Variants in INPP4B observed in about 807,000 individuals in gnomAD.
INPP4B encodes the protein inositol polyphosphate-4-phosphatase type II B.
In INPP4B, 55 loss-of-function variants were observed where a neutral mutation model predicts 122.5. That is an observed-to-expected ratio of 0.45 (90% CI 0.36 to 0.56). The LOEUF (loss-of-function observed/expected upper bound fraction) is 0.56, where lower values mean the gene tolerates loss of function less well. Ranked by LOEUF, INPP4B falls within the 20% of genes least tolerant of loss-of-function variation. The probability of loss-of-function intolerance (pLI) is 0.00; values close to 1 mark genes in which losing one functional copy is unlikely to be tolerated. For missense variants in INPP4B, 1,000 were observed against 1,097.7 expected (o/e 0.91, Z 1.26); for synonymous variants, 403 against 388.7 (o/e 1.04, Z -0.43).
intron 17 of INPP4B, among the ~76,000 whole-genome samples, chr4:142,149,204 G>T (rs1812449866): frequency 6.6e-6 from 1 of 152,184 alleles, no homozygotes; most frequent in Admixed American, 6.5e-5. Context: ...ATGGCACAGG[G>T]CCTGGCTCTC....
chr4:142,805,352 TAAATAGA>T (rs1367591145), intron 1 of INPP4B, among the ~76,000 whole-genome samples: 16 of 152,182 alleles, frequency 1.1e-4, no homozygotes, highest in African/African-American at 1.7e-4. Flanking sequence ...AAAGACATAA[TAAATAGA>T]AAAAGAATGG....
intron 9 of INPP4B, among the ~76,000 whole-genome samples, chr4:142,299,172 G>GTTTT (rs1760213252): frequency 1.1e-5 from 1 of 93,102 alleles, no homozygotes; most frequent in African/African-American, 7.5e-5. Context: ...TTTTTTTTGG[G>GTTTT]GGGGAGACAG....
intron 1 of INPP4B, among the ~76,000 whole-genome samples, chr4:142,815,324 G>A (rs977420145): frequency 2.0e-5 from 3 of 152,162 alleles, no homozygotes; most frequent in African/African-American, 7.2e-5. Flanking sequence ...ATAAGCTGTA[G>A]TTAATAATGT....
At chr4:142,786,130 G>A (rs1444145062) in intron 1 of INPP4B, among the ~76,000 whole-genome samples, 4 of 152,040 alleles carry the variant, frequency 2.6e-5, no homozygotes, top group Non-Finnish European at 5.9e-5. Context: ...CCCAAATCTT[G>A]ATTTCTAACA....
At chr4:142,550,976 G>A (rs907161497) in intron 2 of INPP4B, among the ~76,000 whole-genome samples, 1 of 152,074 alleles carries the variant, frequency 6.6e-6, no homozygotes. Context: ...AATTTGCTTG[G>A]CACATATGAA....
At chr4:142,501,557 G>GAA (rs11392052) in intron 2 of INPP4B, among the ~76,000 whole-genome samples, 2 of 150,352 alleles carry the variant, frequency 1.3e-5, no homozygotes, top group African/African-American at 2.4e-5. Flanking sequence ...AAAACATGAG[G>GAA]AAAAAAATAA....
intron 17 of INPP4B, among the ~76,000 whole-genome samples, chr4:142,156,597 A>G (rs1817328136): frequency 6.6e-6 from 1 of 152,126 alleles, no homozygotes; most frequent in Non-Finnish European, 1.5e-5. Flanking sequence ...AAAGCATTCC[A>G]TTATTTAATA....
At chr4:142,344,980 T>C (rs1275758183) in intron 7 of INPP4B, among the ~76,000 whole-genome samples, 1 of 152,040 alleles carries the variant, frequency 6.6e-6, no homozygotes, top group African/African-American at 2.4e-5. Flanking sequence ...CTTAAAATAA[T>C]ACATTGTTCT....
chr4:142,057,432 T>C (rs1758277953), intron 25 of INPP4B, among the ~76,000 whole-genome samples: 1 of 152,008 alleles, frequency 6.6e-6, no homozygotes, highest in African/African-American at 2.4e-5. Context: ...AATTTATCTA[T>C]GTTCATTTAT....
intron 2 of INPP4B, among the ~76,000 whole-genome samples, chr4:142,472,358 C>T (rs987219579): frequency 1.3e-5 from 2 of 151,776 alleles, no homozygotes; most frequent in East Asian, 1.9e-4. Flanking sequence ...TCCAATTACC[C>T]ATCTGCTATT....
In INPP4B at chr4:142,285,550, A is replaced by G. The variant is rs182153096; in HGVS notation, c.504-14776T>C. On this transcript the variant is annotated intron_variant, in intron 9 of 25. Coordinates refer to ENST00000262992, the MANE Select transcript of INPP4B (RefSeq NM_001101669.3). ...TGAGGCTCAATCCAGAAGTGTTTTC[A>G]GAGGATGCCTATCCTATACCAGGTA... Among the ~76,000 whole-genome samples the G allele has an allele frequency of 5.3e-3, 803 of 152,166 alleles. 9 individuals are homozygous for G. The highest frequency in any genetic ancestry group is 0.018 in the African/African-American group (764 of 41,556).
chr4:142,746,999 A>T (rs763857392), intron 1 of INPP4B, among the ~76,000 whole-genome samples: 58 of 152,322 alleles, frequency 3.8e-4, no homozygotes, highest in Middle Eastern at 3.4e-3. Context: ...AAGCAATGGC[A>T]ACAAAAGCCA....
At chr4:142,758,137 G>A (rs1180326911) in intron 1 of INPP4B, among the ~76,000 whole-genome samples, 3 of 152,128 alleles carry the variant, frequency 2.0e-5, no homozygotes, top group Non-Finnish European at 4.4e-5. Context: ...AAAAATTGAA[G>A]TGCAGCCGAA....
At chr4:142,557,236 C>A (rs775590670) in intron 2 of INPP4B, among the ~76,000 whole-genome samples, 1 of 151,966 alleles carries the variant, frequency 6.6e-6, no homozygotes, top group Non-Finnish European at 1.5e-5. Context: ...GAGAGGAGAA[C>A]ATAAAGAATG....
At chr4:142,535,364 G>C (rs954679286) in intron 2 of INPP4B, among the ~76,000 whole-genome samples, 3 of 152,160 alleles carry the variant, frequency 2.0e-5, no homozygotes, top group Non-Finnish European at 4.4e-5. Context: ...TCCGAGCAGA[G>C]ATTTAATACT....
intron 3 of INPP4B, among the ~76,000 whole-genome samples, chr4:142,461,079 G>A (rs866781512): frequency 6.6e-6 from 1 of 152,128 alleles, no homozygotes; most frequent in Middle Eastern, 3.4e-3. Flanking sequence ...GGTTGAGGTG[G>A]GAAGATCACC....
intron 2 of INPP4B, among the ~76,000 whole-genome samples, chr4:142,541,084 A>G (rs1462885079): frequency 6.6e-6 from 1 of 152,202 alleles, no homozygotes; most frequent in East Asian, 1.9e-4. Context: ...TTCAGGACAA[A>G]AGCTGATTTG....
At chr4:142,638,541 A>G (rs1580582513) in intron 2 of INPP4B, among the ~76,000 whole-genome samples, 2 of 118,088 alleles carry the variant, frequency 1.7e-5, no homozygotes, top group Admixed American at 2.3e-4. Context: ...TTAGTTGTCT[A>G]TTCTCTTTTT....
chr4:142,182,546 C>CAAAA lies in INPP4B; in HGVS notation c.1182-8741_1182-8738dup, dbSNP rs68095300. On this transcript the variant is annotated intron_variant, in intron 15 of 25. Coordinates refer to ENST00000262992, the MANE Select transcript of INPP4B (RefSeq NM_001101669.3). ...CTGGTGACAGAGCGAGACTCTGTCT[C>CAAAA]AAAAAAAAAAAAACAAACAAAAAAA... is the stretch of plus-strand genomic sequence containing the variant. Among the ~76,000 whole-genome samples, 24 of 30,690 alleles carry CAAAA rather than the reference C, an allele frequency of 7.8e-4. 2 individuals are homozygous for CAAAA. Among genetic ancestry groups the CAAAA allele is most frequent in the African/African-American group, 1.6e-3 (19 of 11,806 alleles). The allele number at this position is 30,690 out of a possible 152,430, so 20.1% of individuals were successfully genotyped here. A position where few individuals can be genotyped will look rare whatever the true frequency, so the allele number is the denominator to read the frequency against.
Sources: gnomAD v4.1 joint callset for allele counts (sites outside exome capture counted in the v4.1 genomes callset) on GRCh38, gnomAD v4.1.1 for gene constraint, MANE v1.5 for transcripts, NCBI Gene and HGNC (gene_info 2026-07-23, HGNC 2026-07-21) for gene names.